The following PSMD1 variants were observed in gnomAD, a reference collection of about 807,000 sequenced individuals.
The protein encoded by PSMD1 is proteasome 26S subunit, non-ATPase 1, also known as 26S proteasome non-ATPase regulatory subunit 1.
PSMD1 carries 18 observed loss-of-function variants against 119.0 expected under a neutral mutation model. That is an observed-to-expected ratio of 0.15 (90% CI 0.10 to 0.22). PSMD1 has a LOEUF of 0.22. PSMD1 is among the 10% of genes least tolerant of loss of function. PSMD1 has a pLI of 1.00. For synonymous variants in PSMD1, 374 were observed against 396.6 expected (o/e 0.94, Z 0.68); for missense variants, 702 against 1,158.5 (o/e 0.61, Z 5.72).
intron 4 of PSMD1, among the ~76,000 whole-genome samples, chr2:231,065,502 T>C: frequency 6.7e-6 from 1 of 150,308 alleles, no homozygotes; most frequent in East Asian, 2.0e-4. Context: ...GGTTTCACCG[T>C]GTTAGCCAGG....
At chr2:231,099,419 G>A (rs959801738) in intron 16 of PSMD1, among the ~76,000 whole-genome samples, 2 of 152,180 alleles carry the variant, frequency 1.3e-5, no homozygotes, top group Admixed American at 6.5e-5. Context: ...GGGTTTGAAG[G>A]TGGGTCCCTG....
intron 16 of PSMD1, among the ~76,000 whole-genome samples, chr2:231,097,646 T>C (rs762423450): frequency 1.3e-5 from 2 of 152,206 alleles, no homozygotes; most frequent in Non-Finnish European, 2.9e-5. Flanking sequence ...ATTTTTATTG[T>C]CACCCACCAA....
chr2:231,059,770 A>G (rs1049733596), intron 1 of PSMD1, among the ~76,000 whole-genome samples: 2 of 152,228 alleles, frequency 1.3e-5, no homozygotes, highest in South Asian at 4.1e-4. Flanking sequence ...CTCAGTTCCT[A>G]TAACGGCATA....
At chr2:231,108,564 T>G (rs1695033672) in intron 16 of PSMD1, 1 of 1,614,006 alleles carries the variant, frequency 6.2e-7, no homozygotes, top group Non-Finnish European at 8.5e-7. Flanking sequence ...TCATTTTCAG[T>G]GAGGAGAAGC....
intron 16 of PSMD1, among the ~76,000 whole-genome samples, chr2:231,099,893 A>G (rs537915754): frequency 5.3e-5 from 8 of 152,292 alleles, no homozygotes; most frequent in African/African-American, 1.9e-4. Context: ...CACCAAGGAA[A>G]TACTTTACCG....
chr2:231,073,788 A>G (rs1027897193), intron 7 of PSMD1, among the ~76,000 whole-genome samples: 8 of 151,304 alleles, frequency 5.3e-5, no homozygotes, highest in Non-Finnish European at 1.0e-4. Flanking sequence ...TTAAATTTCT[A>G]TTTTTTTTGT....
At chr2:231,111,078 A>G (rs541376460) in intron 16 of PSMD1, among the ~76,000 whole-genome samples, 5 of 152,206 alleles carry the variant, frequency 3.3e-5, no homozygotes, top group Non-Finnish European at 7.4e-5. Context: ...ATCTTCATCA[A>G]TGGCTTCAGT....
chr2:231,102,390 C>G (rs1574729863), intron 16 of PSMD1, among the ~76,000 whole-genome samples: 1 of 152,214 alleles, frequency 6.6e-6, no homozygotes, highest in African/African-American at 2.4e-5. Context: ...AACTCTTACA[C>G]TGTCGAAAAT....
chr2:231,117,873 A>T (rs952542981), intron 16 of PSMD1, among the ~76,000 whole-genome samples: 1 of 152,070 alleles, frequency 6.6e-6, no homozygotes, highest in East Asian at 1.9e-4. Flanking sequence ...CCTAGGGGGG[A>T]AAAAATTCTG....
At chr2:231,132,555 T>C (rs577002527) in intron 16 of PSMD1, among the ~76,000 whole-genome samples, 2 of 152,376 alleles carry the variant, frequency 1.3e-5, no homozygotes, top group East Asian at 1.9e-4. Flanking sequence ...TTTCTGGTTA[T>C]GCATCTAGAT....
intron 4 of PSMD1, among the ~76,000 whole-genome samples, chr2:231,064,675 C>T (rs571892888): frequency 3.4e-4 from 51 of 152,130 alleles, no homozygotes; most frequent in Non-Finnish European, 6.2e-4. Flanking sequence ...TTTTGTTTGT[C>T]TGTTTGTTTT....
chr2:231,163,498 A>G (rs1696686236), intron 20 of PSMD1, 137 bp from the exon 21 acceptor site: 4 of 570,896 alleles, frequency 7.0e-6, no homozygotes, highest in Non-Finnish European at 1.2e-5. Context: ...GTAAAAGTAG[A>G]CATGGCTTTC....
intron 17 of PSMD1, among the ~76,000 whole-genome samples, chr2:231,140,601 G>C (rs1479110620): frequency 6.6e-6 from 1 of 152,010 alleles, no homozygotes; most frequent in Non-Finnish European, 1.5e-5. Flanking sequence ...TTTTTGGCCA[G>C]GTGCAGTGGC....
intron 4 of PSMD1, among the ~76,000 whole-genome samples, chr2:231,066,423 G>A (rs749361724): frequency 6.6e-6 from 1 of 152,196 alleles, no homozygotes; most frequent in Non-Finnish European, 1.5e-5. Flanking sequence ...CTTCAGTAAT[G>A]GCAAATGTTT....
chr2:231,078,804 T>TTTTTTTTTTTTTTTTA, intron 10 of PSMD1, 57 bp downstream of exon 10: 1 of 1,355,010 alleles, frequency 7.4e-7, no homozygotes. Flanking sequence ...TTTTTTTTTT[T>TTTTTTTTTTTTTTTTA]TTTTTTTTTT....
chr2:231,138,906 C>T (rs540505409), intron 17 of PSMD1, 56 bp downstream of exon 17: 70 of 1,303,200 alleles, frequency 5.4e-5, no homozygotes, highest in African/African-American at 1.0e-4. Context: ...TGTTTTCCCT[C>T]GCCGCAGAAT....
At chr2:231,149,920 T>G (rs939684755) in intron 18 of PSMD1, among the ~76,000 whole-genome samples, 9 of 152,190 alleles carry the variant, frequency 5.9e-5, no homozygotes, top group African/African-American at 1.7e-4. Context: ...AAGAATATTT[T>G]GAAGGAAGAA....
At chr2:231,062,765 G>A in intron 4 of PSMD1, 90 bp downstream of exon 4, 1 of 1,107,204 alleles carries the variant, frequency 9.0e-7, no homozygotes, top group Non-Finnish European at 1.2e-6. Flanking sequence ...ATTTGATGTT[G>A]CCAAATTTCA....
intron 20 of PSMD1, among the ~76,000 whole-genome samples, chr2:231,162,390 C>T (rs1696661792): frequency 6.6e-6 from 1 of 152,192 alleles, no homozygotes; most frequent in African/African-American, 2.4e-5. Context: ...TATAGCTGTA[C>T]AGCCAGTTAT....
Sources: gnomAD v4.1 joint callset for allele counts (sites outside exome capture counted in the v4.1 genomes callset) on GRCh38, gnomAD v4.1.1 for gene constraint, MANE v1.5 for transcripts, NCBI Gene and HGNC (gene_info 2026-07-23, HGNC 2026-07-21) for gene names.